The following CDH12 variants were observed in gnomAD, a reference collection of about 807,000 sequenced individuals.
CDH12 encodes cadherin 12.
A neutral mutation model predicts 74.1 loss-of-function variants in CDH12; 41 were observed. The ratio of observed to expected loss-of-function variants is 0.55; its 90% CI spans 0.43 to 0.72. The LOEUF is 0.72. CDH12 is among the 30% of genes least tolerant of loss of function. CDH12 has a pLI of 0.00. For synonymous variants in CDH12, 399 were observed against 355.0 expected, an observed-to-expected ratio of 1.12 and a Z score of -1.39; for missense variants, 945 against 977.2, an observed-to-expected ratio of 0.97 and a Z score of 0.44.
chr5:21,883,117 C>T, intron 6 of CDH12: 5 of 1,577,164 alleles, frequency 3.2e-6, no homozygotes, highest in South Asian at 2.2e-5. Context: ...ATGATTTCTG[C>T]AAATGGAGAC....
At chr5:22,798,634 A>G (rs1748351450) in intron 1 of CDH12, among the ~76,000 whole-genome samples, 1 of 152,178 alleles carries the variant, frequency 6.6e-6, no homozygotes, top group South Asian at 2.1e-4. Context: ...TGAACTCAAA[A>G]GCATTCATAT....
In CDH12 at chr5:21,802,277, C is replaced by T. The variant is rs576847484; in HGVS notation, c.1146G>A (p.Pro382=). The part of the protein sequence containing the change: ...KISVLDVDEP[P]VFSKPLYTME... ...TGGTGTAGAGCGGCTTGCTGAAAAC[C>T]GGTGGCTCATCTACGTCCAGCACGC... The change falls in exon 10 of 15, where the codon CCG becomes CCA. Residue 382 remains proline (P), a synonymous_variant. Transcript: ENST00000382254. 1.2e-6 allele frequency: 2 copies of T among 1,611,370 alleles called. No homozygotes were observed. Among genetic ancestry groups the T allele is most frequent in the Admixed American group, 1.7e-5 (1 of 59,654 alleles).
intron 9 of CDH12, among the ~76,000 whole-genome samples, chr5:21,805,817 T>C (rs1747397010): frequency 2.6e-5 from 4 of 152,332 alleles, no homozygotes; most frequent in African/African-American, 2.4e-5. Flanking sequence ...TCATATTCTA[T>C]GATAGACATA....
At chr5:22,377,388 C>G (rs916689452) in intron 3 of CDH12, among the ~76,000 whole-genome samples, 1 of 152,052 alleles carries the variant, frequency 6.6e-6, no homozygotes, top group East Asian at 1.9e-4. Context: ...TTCTCCATAC[C>G]CTGTCATGAA....
At chr5:21,941,107 G>C (rs1418573389) in intron 6 of CDH12, among the ~76,000 whole-genome samples, 1 of 152,088 alleles carries the variant, frequency 6.6e-6, no homozygotes, top group East Asian at 1.9e-4. Context: ...ATTCACTGCT[G>C]CCTGCCAGCT....
intron 3 of CDH12, among the ~76,000 whole-genome samples, chr5:22,259,487 T>A (rs1309586757): frequency 6.6e-6 from 1 of 152,068 alleles, no homozygotes; most frequent in Non-Finnish European, 1.5e-5. Context: ...AGTAAAAATG[T>A]CAGTAGCCAT....
chr5:22,080,716 T>C (rs1742666646), intron 4 of CDH12, among the ~76,000 whole-genome samples: 1 of 152,146 alleles, frequency 6.6e-6, no homozygotes, highest in Admixed American at 6.6e-5. Context: ...CTTGACATGA[T>C]ATTTTGGATA....
At chr5:21,934,418 C>T (rs893210120) in intron 6 of CDH12, among the ~76,000 whole-genome samples, 1 of 152,072 alleles carries the variant, frequency 6.6e-6, no homozygotes, top group African/African-American at 2.4e-5. Flanking sequence ...CACTGCTCAA[C>T]TAAATTATGG....
chr5:22,568,922 T>G (rs1739415036), intron 1 of CDH12, among the ~76,000 whole-genome samples: 1 of 152,200 alleles, frequency 6.6e-6, no homozygotes, highest in South Asian at 2.1e-4. Flanking sequence ...TGTTAATCTT[T>G]TTGCTAGTGG....
chr5:22,776,364 C>T (rs761906601), intron 1 of CDH12, among the ~76,000 whole-genome samples: 2 of 152,146 alleles, frequency 1.3e-5, no homozygotes, highest in Non-Finnish European at 2.9e-5. Flanking sequence ...ACACTAGTGT[C>T]ACACGGGATT....
intron 1 of CDH12, among the ~76,000 whole-genome samples, chr5:22,753,065 A>C (rs1356333560): frequency 2.6e-5 from 4 of 152,106 alleles, no homozygotes; most frequent in Admixed American, 2.6e-4. Context: ...AAGAGGTGAA[A>C]CTTTGGCCAA....
At chr5:22,416,354 C>T (rs1392330509) in intron 2 of CDH12, among the ~76,000 whole-genome samples, 5 of 151,932 alleles carry the variant, frequency 3.3e-5, no homozygotes, top group Non-Finnish European at 4.4e-5. Context: ...GGATTACAAG[C>T]GTGAGCCACC....
chr5:22,113,297 A>AT (rs937609315), intron 4 of CDH12, among the ~76,000 whole-genome samples: 3 of 152,260 alleles, frequency 2.0e-5, no homozygotes, highest in South Asian at 2.1e-4. Context: ...ACATAGCTAG[A>AT]TTTTTTTAAT....
intron 3 of CDH12, among the ~76,000 whole-genome samples, chr5:22,280,706 G>A (rs900749177): frequency 2.6e-5 from 4 of 152,044 alleles, no homozygotes; most frequent in Non-Finnish European, 5.9e-5. Flanking sequence ...ACCAATAACA[G>A]GCTCTGAAAT....
chr5:22,173,040 A>G (rs1191927122), intron 4 of CDH12, among the ~76,000 whole-genome samples: 1 of 151,376 alleles, frequency 6.6e-6, no homozygotes, highest in Non-Finnish European at 1.5e-5. Flanking sequence ...ACATGTGAGG[A>G]TTAACATATC....
At chr5:22,806,541 A>G (rs1748819794) in intron 1 of CDH12, among the ~76,000 whole-genome samples, 1 of 151,766 alleles carries the variant, frequency 6.6e-6, no homozygotes, top group Non-Finnish European at 1.5e-5. Flanking sequence ...TTTTTAGTAG[A>G]GACGGGGTTT....
intron 1 of CDH12, among the ~76,000 whole-genome samples, chr5:22,663,968 G>C (rs944714228): frequency 8.6e-5 from 13 of 151,666 alleles, no homozygotes; most frequent in South Asian, 6.2e-4. Flanking sequence ...AAATTTCCTG[G>C]TGTTAGATAT....
At chr5:22,653,564 A>G (rs1739853403) in intron 1 of CDH12, among the ~76,000 whole-genome samples, 1 of 152,056 alleles carries the variant, frequency 6.6e-6, no homozygotes, top group Admixed American at 6.5e-5. Flanking sequence ...TCTGACTCTC[A>G]TATCATACCT....
intron 3 of CDH12, among the ~76,000 whole-genome samples, chr5:22,264,043 CA>C (rs1255587445): frequency 1.3e-5 from 2 of 151,622 alleles, no homozygotes; most frequent in Admixed American, 6.6e-5. Flanking sequence ...TAAAGAACCA[CA>C]TTGCTCTGAA....
Sources: allele counts gnomAD v4.1 joint callset (sites outside exome capture counted in the v4.1 genomes callset), GRCh38; gene constraint gnomAD v4.1.1; transcripts MANE v1.5; gene names NCBI Gene and HGNC (gene_info 2026-07-23, HGNC 2026-07-21).